MAP2: variants seen among roughly 807,000 people sequenced by gnomAD.
MAP2 encodes microtubule-associated protein 2.
Under a neutral mutation model 137.6 loss-of-function variants are expected in MAP2, and 14 were observed. The observed-to-expected ratio is 0.10, with a 90% confidence interval of 0.07 to 0.16. The LOEUF (loss-of-function observed/expected upper bound fraction) is 0.16. MAP2 is among the 10% of genes least tolerant of loss of function. The probability of loss-of-function intolerance (pLI) is 1.00; values close to 1 mark genes in which losing one functional copy is unlikely to be tolerated. For synonymous variants in MAP2, 786 were observed against 782.3 expected (o/e 1.00, Z -0.08); for missense variants, 2,088 against 2,191.5 (o/e 0.95, Z 0.94).
intron 1 of MAP2, among the ~76,000 whole-genome samples, chr2:209,467,679 T>G (rs1308320076): frequency 6.6e-6 from 1 of 152,206 alleles, no homozygotes; most frequent in African/African-American, 2.4e-5. Context: ...TAAGAATTAT[T>G]TACTCTTTCT....
intron 3 of MAP2, among the ~76,000 whole-genome samples, chr2:209,614,908 A>T (rs762088184): frequency 6.6e-6 from 1 of 152,168 alleles, no homozygotes; most frequent in Non-Finnish European, 1.5e-5. Context: ...GACTCCAGTG[A>T]GTCGATGAAC....
intron 11 of MAP2, chr2:209,704,483 G>T (rs1240048699): frequency 1.2e-6 from 2 of 1,611,502 alleles, no homozygotes; most frequent in South Asian, 1.1e-5. Context: ...TGCTTTACAG[G>T]GTAGCACAAA....
intron 4 of MAP2, among the ~76,000 whole-genome samples, chr2:209,628,360 A>G (rs891525445): frequency 1.3e-5 from 2 of 152,012 alleles, no homozygotes; most frequent in African/African-American, 4.8e-5. Flanking sequence ...TGCAGTGGTT[A>G]GCAACTCTGA....
intron 7 of MAP2, among the ~76,000 whole-genome samples, chr2:209,684,989 G>T (rs1192600643): frequency 6.6e-6 from 1 of 152,132 alleles, no homozygotes; most frequent in Non-Finnish European, 1.5e-5. Context: ...TAAGATGTAT[G>T]GAGTCAGACA....
intron 4 of MAP2, among the ~76,000 whole-genome samples, chr2:209,650,315 A>G (rs1274751472): frequency 6.6e-6 from 1 of 152,218 alleles, no homozygotes; most frequent in Non-Finnish European, 1.5e-5. Context: ...TGTTTTGCAC[A>G]TCACTGCCTT....
chr2:209,617,169 A>G (rs753227276), intron 3 of MAP2, among the ~76,000 whole-genome samples: 1 of 152,090 alleles, frequency 6.6e-6, no homozygotes, highest in African/African-American at 2.4e-5. Flanking sequence ...CAGGGATTCT[A>G]GTTTCTATGA....
intron 2 of MAP2, among the ~76,000 whole-genome samples, chr2:209,533,985 AG>A (rs1470571122): frequency 6.6e-6 from 1 of 152,204 alleles, no homozygotes; most frequent in African/African-American, 2.4e-5. Context: ...TGCTGGCTGA[AG>A]GAACTAGGGC....
intron 1 of MAP2, among the ~76,000 whole-genome samples, chr2:209,504,725 A>G (rs288064): frequency 0.61 from 92,582 of 152,030 alleles, 28,667 homozygotes; most frequent in Middle Eastern, 0.67. Context: ...CATTAAGTAC[A>G]TTCGCGTTGC....
Position 209,695,190 on chromosome 2 carries a change from C to T in MAP2, c.3020C>T (p.Pro1007Leu), listed in dbSNP as rs762578429. 6.2e-7 allele frequency: 1 copy of T among 1,614,058 alleles called. No homozygotes were observed. The highest frequency in any genetic ancestry group is 1.1e-5 in the South Asian group (1 of 91,072). ...GCTTTGGCCAAAGATTTGTCAATAC[C>T]AACAGATGCATCCTCTGAGAAAGCA... ...EQALAKDLSI[P>L]TDASSEKAEK... Residue 1007 changes from proline to leucine, a missense_variant, in exon 8 of 16, where the codon CCA (proline) becomes CTA (leucine). Around this residue, in one of 6 missense-constraint regions of MAP2, gnomAD observed 500 missense variants for 482.9 expected, o/e 1.04. Transcript: ENST00000682079.
intron 3 of MAP2, among the ~76,000 whole-genome samples, chr2:209,586,129 A>C (rs1354167750): frequency 1.3e-5 from 2 of 152,152 alleles, no homozygotes; most frequent in Non-Finnish European, 2.9e-5. Context: ...AAATACACTT[A>C]AGGAGTCCGG....
Position 209,734,044 on chromosome 2 carries a change from A to G in MAP2, c.*3647A>G, listed in dbSNP as rs2076130093. 1.3e-5 allele frequency: 2 copies of G among 152,552 alleles called. No homozygotes were observed. The highest frequency in any genetic ancestry group is 2.9e-5 in the Non-Finnish European group (2 of 68,026). The allele number at this position is 152,552 out of a possible 1,614,324, so 9.4% of individuals were successfully genotyped here. A position where few individuals can be genotyped will look rare whatever the true frequency, so the allele number is the denominator to read the frequency against. ...GGTTGTAGTTAGTTCATGTTTTTCA[A>G]TCAAATTTGCAAATGTATTTGTTGC... is the stretch of plus-strand genomic sequence containing the variant. On this transcript the variant is annotated 3_prime_UTR_variant, in exon 16 of 16. Coordinates refer to ENST00000682079, the MANE Select transcript of MAP2 (RefSeq NM_001375505.1).
chr2:209,438,819 A>G (rs1038993577), intron 1 of MAP2, among the ~76,000 whole-genome samples: 1 of 151,542 alleles, frequency 6.6e-6, no homozygotes, highest in Admixed American at 6.6e-5. Flanking sequence ...TTGCTGTTAC[A>G]TATCATCTTC....
chr2:209,485,068 G>A (rs1244212865), intron 1 of MAP2, among the ~76,000 whole-genome samples: 1 of 152,188 alleles, frequency 6.6e-6, no homozygotes, highest in Non-Finnish European at 1.5e-5. Flanking sequence ...TTAACTTTCT[G>A]TAACTGCTGG....
chr2:209,615,070 G>T (rs936263018), intron 3 of MAP2, among the ~76,000 whole-genome samples: 7 of 151,998 alleles, frequency 4.6e-5, no homozygotes, highest in African/African-American at 1.5e-4. Flanking sequence ...AATTATCCAC[G>T]ATCAGGAATG....
Position 209,730,502 on chromosome 2 carries a change from ATAAT to A in MAP2, c.*106_*109del. The A allele has an allele frequency of 1.3e-6, 1 of 761,156 alleles. No individual in the cohort carries two copies. The highest frequency in any genetic ancestry group is 2.1e-6 in the Non-Finnish European group (1 of 469,134). 47.2% of individuals were successfully genotyped at this position (761,156 alleles called of 1,614,324 possible). On this transcript the variant is annotated 3_prime_UTR_variant, in exon 16 of 16. Transcript: ENST00000682079. ...TCATTCTTTATAAACCATAAAATAA[ATAAT>A]CTCATCCCCAAACTGTAGTAATTGT...
intron 5 of MAP2, among the ~76,000 whole-genome samples, chr2:209,671,474 T>C (rs2048809925): frequency 6.6e-6 from 1 of 151,836 alleles, no homozygotes; most frequent in Non-Finnish European, 1.5e-5. Flanking sequence ...CCTTGTTGAT[T>C]AGTTTCCATC....
rs28375846 is a variant in MAP2, at chr2:209,523,701, A to T, written c.-172+16060A>T. Among the ~76,000 whole-genome samples the T allele has an allele frequency of 6.6e-3, 1,000 of 152,280 alleles. 8 individuals carry two copies. The highest frequency in any genetic ancestry group is 0.023 in the African/African-American group (937 of 41,560). ...AACTGCATGAGACCTATTCAGCTCC[A>T]TTTGGCTTTTTATTCATTTATTTTT... On this transcript the variant is annotated intron_variant, in intron 2 of 15. Coordinates refer to ENST00000682079, the MANE Select transcript of MAP2 (RefSeq NM_001375505.1).
Position 209,694,197 on chromosome 2 carries a change from A to C in MAP2, c.2027A>C (p.Lys676Thr). 1 of 1,614,182 alleles carries C rather than the reference A, an allele frequency of 6.2e-7. No individual in the cohort carries two copies. The highest frequency in any genetic ancestry group is 8.5e-7 in the Non-Finnish European group (1 of 1,180,014). ...VYGEKRDLHS[K>T]NKDDLTLSRS... ...GGAGAGAAAAGGGACCTCCACAGTA[A>C]GAATAAGGATGATTTGACCCTTAGC... The change falls in exon 8 of 16, where the codon AAG becomes ACG. Residue 676 changes from lysine to threonine, a missense_variant. Physicochemically the swap from Lys to Thr is moderately conservative, Grantham distance 78. Around this residue, in one of 6 missense-constraint regions of MAP2, gnomAD observed 859 missense variants for 794.5 expected, o/e 1.08. Coordinates refer to ENST00000682079, the MANE Select transcript of MAP2 (RefSeq NM_001375505.1).
chr2:209,635,455 T>TA (rs1201440022), intron 4 of MAP2, among the ~76,000 whole-genome samples: 1 of 152,174 alleles, frequency 6.6e-6, no homozygotes, highest in African/African-American at 2.4e-5. Context: ...CAAAAATGTT[T>TA]AAAAAACTGT....
Sources: gnomAD v4.1 joint callset for allele counts (sites outside exome capture counted in the v4.1 genomes callset) on GRCh38, gnomAD v4.1.1 for gene constraint, gnomAD v4.1.1 regional missense constraint, MANE v1.5 for transcripts, NCBI Gene and HGNC (gene_info 2026-07-23, HGNC 2026-07-21) for gene names.